Variants in SLC9A9 observed in about 807,000 individuals in gnomAD.
SLC9A9 encodes the protein solute carrier family 9 member A9, also known as sodium/hydrogen exchanger 9.
A neutral mutation model predicts 77.8 loss-of-function variants in SLC9A9; 62 were observed. The ratio of observed to expected loss-of-function variants is 0.80; its 90% CI spans 0.65 to 0.98. The LOEUF (loss-of-function observed/expected upper bound fraction) is 0.98, where lower values mean the gene tolerates loss of function less well. Ranked by LOEUF, SLC9A9 falls within the 50% of genes least tolerant of loss-of-function variation. The probability of loss-of-function intolerance (pLI) is 0.00; values close to 1 mark genes in which losing one functional copy is unlikely to be tolerated. For missense variants in SLC9A9, 775 were observed against 774.9 expected (o/e 1.00, Z 0.00); for synonymous variants, 320 against 283.5 (o/e 1.13, Z -1.29).
At chr3:143,619,160 G>A (rs2108709372) in intron 6 of SLC9A9, among the ~76,000 whole-genome samples, 1 of 152,324 alleles carries the variant, frequency 6.6e-6, no homozygotes, top group Non-Finnish European at 1.5e-5. Flanking sequence ...TCCACAAGGA[G>A]TAACTGAAAG....
chr3:143,518,673 T>C (rs2036244428), intron 9 of SLC9A9, among the ~76,000 whole-genome samples: 3 of 152,246 alleles, frequency 2.0e-5, no homozygotes, highest in Admixed American at 1.3e-4. Context: ...TTGCTCAAAA[T>C]TTAGTTCTTG....
chr3:143,786,565 T>C (rs896426551), intron 4 of SLC9A9, among the ~76,000 whole-genome samples: 2 of 152,200 alleles, frequency 1.3e-5, no homozygotes, highest in Non-Finnish European at 2.9e-5. Context: ...ATTCTACCTT[T>C]TGTTTCTTTT....
At chr3:143,705,211 G>T (rs77556521) in intron 4 of SLC9A9, among the ~76,000 whole-genome samples, 2 of 151,986 alleles carry the variant, frequency 1.3e-5, no homozygotes, top group African/African-American at 4.8e-5. Flanking sequence ...CAAATTTCAC[G>T]TTACCACTCA....
At chr3:143,400,535 C>G (rs115019318) in intron 12 of SLC9A9, among the ~76,000 whole-genome samples, 1,845 of 151,884 alleles carry the variant, frequency 0.012, 44 homozygotes, top group African/African-American at 0.042. Flanking sequence ...GGAGTCAGGG[C>G]AAAGGCTGGC....
chr3:143,749,542 T>G (rs1230891889), intron 4 of SLC9A9, among the ~76,000 whole-genome samples: 3 of 152,236 alleles, frequency 2.0e-5, no homozygotes, highest in Non-Finnish European at 4.4e-5. Context: ...CTGAATGCTT[T>G]TTAAATACAA....
intron 14 of SLC9A9, among the ~76,000 whole-genome samples, chr3:143,342,832 G>A (rs1576436806): frequency 6.6e-6 from 1 of 152,322 alleles, no homozygotes; most frequent in Non-Finnish European, 1.5e-5. Flanking sequence ...AGGTGCAGGT[G>A]CATGTGCATG....
At chr3:143,526,311 C>T (rs936639275) in intron 9 of SLC9A9, among the ~76,000 whole-genome samples, 3 of 152,204 alleles carry the variant, frequency 2.0e-5, no homozygotes, top group African/African-American at 7.2e-5. Context: ...ATGGAAGTTT[C>T]AATTCATGTG....
chr3:143,848,409 G>T lies in SLC9A9; in HGVS notation c.-87C>A, dbSNP rs2009876565. On this transcript the variant is annotated 5_prime_UTR_variant, in exon 1 of 16. Coordinates refer to ENST00000316549, the MANE Select transcript of SLC9A9 (RefSeq NM_173653.4). ...TGCCTAAGACAGTCTGACTGCCTGA[G>T]AATTTCAGAAGAAACACTGCCACTT... 1.3e-6 allele frequency: 2 copies of T among 1,563,982 alleles called. No individual in the cohort carries two copies. Among genetic ancestry groups the T allele is most frequent in the African/African-American group, 1.4e-5 (1 of 73,788 alleles).
chr3:143,745,933 A>G (rs1935187982), intron 4 of SLC9A9, among the ~76,000 whole-genome samples: 1 of 152,242 alleles, frequency 6.6e-6, no homozygotes, highest in African/African-American at 2.4e-5. Flanking sequence ...AGCAACCTGG[A>G]TGAAAAGAAA....
At chr3:143,805,502 G>A (rs1017321121) in intron 2 of SLC9A9, among the ~76,000 whole-genome samples, 9 of 152,066 alleles carry the variant, frequency 5.9e-5, no homozygotes, top group African/African-American at 2.2e-4. Context: ...CCCAAGCTAA[G>A]CCATCTTATC....
intron 12 of SLC9A9, among the ~76,000 whole-genome samples, chr3:143,415,446 C>A (rs1406344211): frequency 9.9e-5 from 15 of 152,140 alleles, no homozygotes; most frequent in Admixed American, 9.8e-4. Context: ...TGCTGATGGT[C>A]ATTTGCCATT....
chr3:143,732,202 T>G (rs1397730886), intron 4 of SLC9A9, among the ~76,000 whole-genome samples: 2 of 152,244 alleles, frequency 1.3e-5, no homozygotes, highest in Non-Finnish European at 2.9e-5. Context: ...GTAAGCACAC[T>G]GTGCCATGAA....
chr3:143,628,019 G>T (rs1369641963), intron 6 of SLC9A9, among the ~76,000 whole-genome samples: 3 of 152,278 alleles, frequency 2.0e-5, no homozygotes, highest in African/African-American at 7.2e-5. Context: ...TATTGTATTT[G>T]ATTTATCTAA....
intron 4 of SLC9A9, among the ~76,000 whole-genome samples, chr3:143,751,376 A>G (rs1055016322): frequency 6.6e-6 from 1 of 152,168 alleles, no homozygotes; most frequent in Non-Finnish European, 1.5e-5. Context: ...TGCGGCAAAG[A>G]GGGCCCTTAG....
At chr3:143,374,653 G>A (rs2033140656) in intron 13 of SLC9A9, among the ~76,000 whole-genome samples, 1 of 151,538 alleles carries the variant, frequency 6.6e-6, no homozygotes, top group Admixed American at 6.6e-5. Flanking sequence ...TTTTTTGTGG[G>A]CACATAATAG....
At chr3:143,811,301 C>T (rs78383677) in intron 2 of SLC9A9, among the ~76,000 whole-genome samples, 6,877 of 152,184 alleles carry the variant, frequency 0.045, 214 homozygotes, top group African/African-American at 0.084. Flanking sequence ...ATTTCTTTTC[C>T]TCTGCCTTAA....
chr3:143,705,841 CT>C (rs1390162859), intron 4 of SLC9A9, among the ~76,000 whole-genome samples: 1 of 152,144 alleles, frequency 6.6e-6, no homozygotes, highest in Non-Finnish European at 1.5e-5. Flanking sequence ...TAAAGGTATA[CT>C]TTACTAGGTC....
At chr3:143,405,869 G>T (rs971179685) in intron 12 of SLC9A9, among the ~76,000 whole-genome samples, 1 of 152,198 alleles carries the variant, frequency 6.6e-6, no homozygotes, top group African/African-American at 2.4e-5. Flanking sequence ...AAATTGAATA[G>T]ATTTTCTTGA....
chr3:143,595,673 G>A (rs529121508), intron 6 of SLC9A9, among the ~76,000 whole-genome samples: 1 of 152,304 alleles, frequency 6.6e-6, no homozygotes, highest in East Asian at 1.9e-4. Flanking sequence ...CTACAAGACT[G>A]GCAGAAGCTT....
Sources: gnomAD v4.1 joint callset for allele counts (sites outside exome capture counted in the v4.1 genomes callset) on GRCh38, gnomAD v4.1.1 for gene constraint, MANE v1.5 for transcripts, NCBI Gene and HGNC (gene_info 2026-07-23, HGNC 2026-07-21) for gene names.